The following ZBBX variants were observed in gnomAD, a reference collection of about 807,000 sequenced individuals.
ZBBX encodes the protein zinc finger B-box domain containing, also known as zinc finger B-box domain-containing protein 1.
A neutral mutation model predicts 108.5 loss-of-function variants in ZBBX; 101 were observed. The ratio of observed to expected loss-of-function variants is 0.93; its 90% CI spans 0.79 to 1.10. The LOEUF is 1.10. Among genes scored for constraint, ZBBX ranks in the 50% least tolerant of loss-of-function variants. ZBBX has a pLI of 0.00. For missense variants in ZBBX, 1,009 were observed against 941.4 expected (o/e 1.07, Z -0.94); for synonymous variants, 356 against 323.4 (o/e 1.10, Z -1.08).
At chr3:167,363,134 C>T (rs562516843) in intron 6 of ZBBX, among the ~76,000 whole-genome samples, 2 of 152,050 alleles carry the variant, frequency 1.3e-5, no homozygotes, top group South Asian at 4.1e-4. Context: ...CCTCAATCAC[C>T]TTATCTCTTC....
upstream of ZBBX, among the ~76,000 whole-genome samples, chr3:167,382,930 T>A (rs1461965592): frequency 6.6e-6 from 1 of 152,148 alleles, no homozygotes; most frequent in Non-Finnish European, 1.5e-5. Context: ...ACCAGTTTTG[T>A]ATCTAACCTA....
chr3:167,193,121 G>A, the ZBBX span, among the ~76,000 whole-genome samples: 6 of 152,070 alleles, frequency 3.9e-5, no homozygotes, highest in African/African-American at 7.2e-5. Flanking sequence ...TGTCTAGGTT[G>A]GCTCAGAGAT....
At chr3:167,344,760 A>G (rs539126399) in intron 9 of ZBBX, among the ~76,000 whole-genome samples, 1 of 151,914 alleles carries the variant, frequency 6.6e-6, no homozygotes, top group South Asian at 2.1e-4. Context: ...AGCTAGTTCC[A>G]TAGTGGAATG....
chr3:167,280,353 A>T (rs1450736877), intron 20 of ZBBX, among the ~76,000 whole-genome samples: 2 of 151,934 alleles, frequency 1.3e-5, no homozygotes, highest in Non-Finnish European at 2.9e-5. Flanking sequence ...CAACCTACTC[A>T]TCTGACAAAG....
downstream of ZBBX, among the ~76,000 whole-genome samples, chr3:167,235,820 A>C (rs1294108213): frequency 6.6e-6 from 1 of 151,656 alleles, no homozygotes; most frequent in Non-Finnish European, 1.5e-5. Flanking sequence ...TCCCCAGCTA[A>C]ACTCATAATC....
In ZBBX at chr3:167,259,871, G is replaced by C. The variant is rs529957740; in HGVS notation, c.2255-17228C>G. ...AATTTCAATTTTTAAAAAATTTATT[G>C]AGGCTCATTTTATGGCCTATTTTGC... On this transcript the variant is annotated intron_variant, in intron 20 of 21. Transcript: ENST00000675490. 1.1e-4 allele frequency among the ~76,000 whole-genome samples: 16 copies of C among 152,148 alleles called. No individual in the cohort carries two copies. In the South Asian group the frequency reaches 2.9e-3, roughly 28 times the overall value.
At chr3:167,214,870 AACAT>A in the ZBBX span, among the ~76,000 whole-genome samples, 1 of 152,210 alleles carries the variant, frequency 6.6e-6, no homozygotes, top group Admixed American at 6.5e-5. Context: ...AAAGTAAAAC[AACAT>A]TTTCCTGAAT....
chr3:167,240,940 C>G, intron 21 of ZBBX, 21 bp from the exon 22 acceptor site: 1 of 1,610,354 alleles, frequency 6.2e-7, no homozygotes. Flanking sequence ...ATAACAAGAT[C>G]AATACACAAT....
chr3:167,262,210 G>A (rs1007025916), intron 20 of ZBBX, among the ~76,000 whole-genome samples: 2 of 152,128 alleles, frequency 1.3e-5, no homozygotes, highest in African/African-American at 2.4e-5. Context: ...GTGGGTCGGG[G>A]GGGGCGTCTC....
At chr3:167,220,010 A>C in the ZBBX span, among the ~76,000 whole-genome samples, 402 of 152,124 alleles carry the variant, frequency 2.6e-3, 1 homozygote, top group Non-Finnish European at 3.4e-3. Flanking sequence ...GAATTGGATA[A>C]ATTTCTAGAC....
downstream of ZBBX, among the ~76,000 whole-genome samples, chr3:167,238,058 A>G (rs1475881396): frequency 6.6e-6 from 1 of 152,030 alleles, no homozygotes; most frequent in African/African-American, 2.4e-5. Flanking sequence ...AGGGAAAAGG[A>G]AGATGTCTTA....
the ZBBX span, among the ~76,000 whole-genome samples, chr3:167,204,002 C>G: frequency 2.4e-4 from 36 of 151,998 alleles, no homozygotes; most frequent in Non-Finnish European, 7.4e-5. Context: ...AGATAAGACA[C>G]TAAAATATCT....
At chr3:167,187,931 C>A in the ZBBX span, among the ~76,000 whole-genome samples, 6 of 152,140 alleles carry the variant, frequency 3.9e-5, no homozygotes, top group South Asian at 1.2e-3. Context: ...ATGCATTCTA[C>A]TGTTATAATA....
intron 20 of ZBBX, among the ~76,000 whole-genome samples, chr3:167,275,560 G>A (rs575196182): frequency 7.9e-5 from 12 of 152,208 alleles, no homozygotes; most frequent in South Asian, 2.1e-4. Context: ...CGAATACTGC[G>A]CTTTTCCAAC....
the ZBBX span, among the ~76,000 whole-genome samples, chr3:167,195,313 C>A: frequency 6.6e-6 from 1 of 152,120 alleles, no homozygotes; most frequent in Non-Finnish European, 1.5e-5. Flanking sequence ...TCAGCTTAAC[C>A]ATTCAAATTT....
At chr3:167,394,067 C>A (rs1256208420) in intron 1 of ZBBX, among the ~76,000 whole-genome samples, 3 of 151,812 alleles carry the variant, frequency 2.0e-5, no homozygotes, top group Non-Finnish European at 2.9e-5. Context: ...TGGATGTATT[C>A]TCTTCCAATT....
the ZBBX span, among the ~76,000 whole-genome samples, chr3:167,215,067 G>A: frequency 7.9e-5 from 12 of 151,788 alleles, no homozygotes; most frequent in East Asian, 1.9e-4. Context: ...ACTTCGCAAC[G>A]GAAAAAATTA....
chr3:167,360,222 A>G (rs1218862733), intron 7 of ZBBX, among the ~76,000 whole-genome samples: 3 of 149,496 alleles, frequency 2.0e-5, no homozygotes, highest in African/African-American at 7.3e-5. Flanking sequence ...TGTGTTTACT[A>G]TCCTCCAGAA....
At chr3:167,276,530 G>T (rs1727615073) in intron 20 of ZBBX, among the ~76,000 whole-genome samples, 1 of 151,980 alleles carries the variant, frequency 6.6e-6, no homozygotes, top group Admixed American at 6.6e-5. Context: ...GAAGTGAGAA[G>T]GGAAGTTTAG....
Sources: gnomAD v4.1 joint callset for allele counts (sites outside exome capture counted in the v4.1 genomes callset) on GRCh38, gnomAD v4.1.1 for gene constraint, MANE v1.5 for transcripts, NCBI Gene and HGNC (gene_info 2026-07-23, HGNC 2026-07-21) for gene names.